Variants in TLE4 observed in about 807,000 individuals in gnomAD.
The protein encoded by TLE4 is transducin-like enhancer protein 4.
TLE4 carries 8 observed loss-of-function variants against 92.8 expected under a neutral mutation model. The observed-to-expected ratio is 0.09, with a 90% CI of 0.05 to 0.16. The LOEUF (loss-of-function observed/expected upper bound fraction) is 0.16, where lower values mean the gene tolerates loss of function less well. Ranked by LOEUF, TLE4 falls within the 10% of genes least tolerant of loss-of-function variation. The pLI is 1.00. For synonymous variants in TLE4, 371 were observed against 374.1 expected (o/e 0.99, Z 0.10); for missense variants, 675 against 997.6 (o/e 0.68, Z 4.36).
At chr9:79,605,543 A>G (rs1261341909) in intron 4 of TLE4, among the ~76,000 whole-genome samples, 3 of 152,158 alleles carry the variant, frequency 2.0e-5, no homozygotes, top group Non-Finnish European at 4.4e-5. Flanking sequence ...ATACCTCTAG[A>G]GAGCTCACAT....
chr9:79,594,424 T>A (rs2043441992), intron 4 of TLE4, among the ~76,000 whole-genome samples: 1 of 152,252 alleles, frequency 6.6e-6, no homozygotes, highest in Non-Finnish European at 1.5e-5. Flanking sequence ...ATGTTAAGAT[T>A]GATAGTGTAT....
intron 6 of TLE4, among the ~76,000 whole-genome samples, chr9:79,643,731 G>A (rs2057591681): frequency 1.3e-5 from 2 of 152,158 alleles, no homozygotes; most frequent in South Asian, 4.1e-4. Context: ...GGTGATCCAT[G>A]GGGTGATACC....
rs558676841 is a variant in TLE4 at position 79,683,000 on chromosome 9, G to A, written c.610-21783G>A. Among the ~76,000 whole-genome samples the A allele has an allele frequency of 2.6e-5, 4 of 152,322 alleles. No homozygotes were observed. In the South Asian group the frequency reaches 8.3e-4, roughly 32 times the overall value. On this transcript the variant is annotated intron_variant, in intron 8 of 19. Coordinates refer to ENST00000376552, the MANE Select transcript of TLE4 (RefSeq NM_007005.6). ...ACAGGCCAAATCTACTTCCCAGTTTGTTTTTCTGTGGCCTGTAAGGGAAAA... is the reference window on the plus strand; with the variant it reads ...ACAGGCCAAATCTACTTCCCAGTTTATTTTTCTGTGGCCTGTAAGGGAAAA...
At chr9:79,713,190 A>G (rs1316739825) in intron 14 of TLE4, among the ~76,000 whole-genome samples, 2 of 152,254 alleles carry the variant, frequency 1.3e-5, no homozygotes, top group African/African-American at 4.8e-5. Flanking sequence ...TGAGCACAGC[A>G]TAACAGAACT....
intron 8 of TLE4, among the ~76,000 whole-genome samples, chr9:79,693,273 G>C (rs1001496126): frequency 6.6e-6 from 1 of 152,056 alleles, no homozygotes; most frequent in Non-Finnish European, 1.5e-5. Context: ...TGCTAGCATT[G>C]AAAACCCTTA....
At chr9:79,632,710 C>T (rs1165937299) in intron 6 of TLE4, among the ~76,000 whole-genome samples, 1 of 152,150 alleles carries the variant, frequency 6.6e-6, no homozygotes, top group Non-Finnish European at 1.5e-5. Context: ...CTTCTTGCAG[C>T]TGATTACTAT....
At chr9:79,656,601 C>A (rs1455551613) in intron 8 of TLE4, among the ~76,000 whole-genome samples, 1 of 152,118 alleles carries the variant, frequency 6.6e-6, no homozygotes, top group East Asian at 1.9e-4. Flanking sequence ...TCGGAATCTG[C>A]TGGTAGTAAT....
chr9:79,582,819 GGTTCAGTGGTCCTATACTAGCTAA>G (rs1437749366), intron 4 of TLE4, among the ~76,000 whole-genome samples: 2 of 152,070 alleles, frequency 1.3e-5, no homozygotes, highest in Non-Finnish European at 1.5e-5. Context: ...AATGGTGGTA[GGTTCAGTGGTCCTATACTAGCTAA>G]GTTATTACCA....
intron 8 of TLE4, among the ~76,000 whole-genome samples, chr9:79,694,123 G>T (rs540877183): frequency 3.3e-5 from 5 of 152,146 alleles, no homozygotes; most frequent in Admixed American, 6.5e-5. Context: ...AAGGGCGGAG[G>T]GGGGAGTGTG....
chr9:79,589,787 G>T (rs2042090412), intron 4 of TLE4, among the ~76,000 whole-genome samples: 1 of 152,152 alleles, frequency 6.6e-6, no homozygotes, highest in Non-Finnish European at 1.5e-5. Context: ...GGCTGCCTGA[G>T]AATTCAACGT....
chr9:79,714,682 A>G (rs2074115728), intron 14 of TLE4, among the ~76,000 whole-genome samples: 1 of 152,208 alleles, frequency 6.6e-6, no homozygotes. Flanking sequence ...TCATTTCTGT[A>G]CTTTTCTCTC....
chr9:79,657,919 G>A (rs1169480556), intron 8 of TLE4, among the ~76,000 whole-genome samples: 2 of 152,228 alleles, frequency 1.3e-5, no homozygotes, highest in East Asian at 3.9e-4. Context: ...TATCTGCCTG[G>A]TTCTCCTGTG....
At chr9:79,574,388 G>A (rs866005377) in intron 2 of TLE4, among the ~76,000 whole-genome samples, 2 of 152,090 alleles carry the variant, frequency 1.3e-5, no homozygotes, top group African/African-American at 2.4e-5. Context: ...CTGGGTGGTG[G>A]TATTCAACTT....
At chr9:79,671,684 A>G (rs2062378931) in intron 8 of TLE4, 1 of 160,304 alleles carries the variant, frequency 6.2e-6, no homozygotes, top group Non-Finnish European at 1.4e-5. Flanking sequence ...TCTTTTCTTC[A>G]GACCGAGTTA....
At position 79,612,856 on chromosome 9, in the gene TLE4, T is replaced by A. The variant is rs191404777; in HGVS notation, c.315+138T>A. 2.8e-4 allele frequency: 200 copies of A among 705,348 alleles called. 2 individuals carry two copies. The East Asian group carries it at 5.1e-3, about 18-fold the overall frequency. 43.7% of individuals were successfully genotyped at this position (705,348 alleles called of 1,614,324 possible). On this transcript the variant is annotated intron_variant, in intron 5 of 19. Coordinates refer to ENST00000376552, the MANE Select transcript of TLE4 (RefSeq NM_007005.6). ...TTATTTTCATTTCTAAGAAACAGTG[T>A]TCTCACTCCAACTTGTATACCTTAG...
chr9:79,662,837 G>C (rs999289427), intron 8 of TLE4, among the ~76,000 whole-genome samples: 4 of 152,272 alleles, frequency 2.6e-5, no homozygotes, highest in South Asian at 2.1e-4. Context: ...GATTGTCTCC[G>C]TGTGTTCTTT....
At chr9:79,573,270 G>C (rs1246747699) in intron 1 of TLE4, 1 of 1,022,318 alleles carries the variant, frequency 9.8e-7, no homozygotes, top group Non-Finnish European at 1.2e-6. Context: ...GCGGGCGAAC[G>C]AACGAGCCGA....
chr9:79,687,284 G>C (rs937263009), intron 8 of TLE4, among the ~76,000 whole-genome samples: 3 of 152,118 alleles, frequency 2.0e-5, no homozygotes, highest in Non-Finnish European at 4.4e-5. Flanking sequence ...ATACAGAAGC[G>C]CAATTCACAT....
In TLE4 at chr9:79,706,071, G is replaced by T; in HGVS notation, c.783+129G>T. The stretch of plus-strand genomic sequence containing the variant: ...TATTGTTGTTGTTTTTTGAGGCAGG[G>T]TCTTGTTCTCTTGCCCTGGCTAGAG... On this transcript the variant is annotated intron_variant, in intron 10 of 19. Transcript: ENST00000376552. 4.3e-6 allele frequency: 4 copies of T among 925,428 alleles called. 1 individual carries two copies. The highest frequency in any genetic ancestry group is 4.0e-5 in the South Asian group (3 of 74,686). The allele number at this position is 925,428 out of a possible 1,614,324, so 57.3% of individuals were successfully genotyped here. A position where few individuals can be genotyped will look rare whatever the true frequency, so the allele number is the denominator to read the frequency against.
Sources: gnomAD v4.1 joint callset for allele counts (sites outside exome capture counted in the v4.1 genomes callset) on GRCh38, gnomAD v4.1.1 for gene constraint, MANE v1.5 for transcripts, NCBI Gene and HGNC (gene_info 2026-07-23, HGNC 2026-07-21) for gene names.